The following ATP6V1B2 variants were observed in gnomAD, a reference collection of about 807,000 sequenced individuals.
ATP6V1B2 encodes ATPase H+ transporting V1 subunit B2.
In ATP6V1B2, 23 loss-of-function variants were observed where a neutral mutation model predicts 66.7. The ratio of observed to expected loss-of-function variants is 0.34; its 90% CI spans 0.25 to 0.49. ATP6V1B2 has a LOEUF of 0.49. ATP6V1B2 is among the 20% of genes least tolerant of loss of function. The pLI is 0.99. For synonymous variants in ATP6V1B2, 278 were observed against 236.7 expected, an observed-to-expected ratio of 1.17 and a Z score of -1.60; for missense variants, 478 against 650.8, an observed-to-expected ratio of 0.73 and a Z score of 2.89.
intron 12 of ATP6V1B2, 116 bp downstream of exon 12, chr8:20,217,440 T>C: frequency 1.1e-6 from 1 of 917,116 alleles, no homozygotes. Flanking sequence ...GGAATTTTAG[T>C]GTAGGCTTGA....
intron 2 of ATP6V1B2, among the ~76,000 whole-genome samples, chr8:20,206,863 T>C (rs933622181): frequency 1.3e-5 from 2 of 152,192 alleles, no homozygotes; most frequent in Non-Finnish European, 2.9e-5. Flanking sequence ...TATCCATCTT[T>C]CTGCTAAAAA....
intron 1 of ATP6V1B2, among the ~76,000 whole-genome samples, chr8:20,200,834 G>A (rs1039975549): frequency 2.0e-5 from 3 of 152,192 alleles, no homozygotes; most frequent in Non-Finnish European, 4.4e-5. Context: ...GGTGCTCACT[G>A]CTCATCATGC....
At chr8:20,204,139 G>T in intron 1 of ATP6V1B2, 1 of 396,016 alleles carries the variant, frequency 2.5e-6, no homozygotes, top group Non-Finnish European at 4.9e-6. Context: ...GCAGGCCATA[G>T]TTAGAGCCCT....
intron 2 of ATP6V1B2, among the ~76,000 whole-genome samples, chr8:20,206,162 A>T (rs1337708922): frequency 2.6e-5 from 4 of 152,230 alleles, no homozygotes; most frequent in Non-Finnish European, 5.9e-5. Flanking sequence ...GAAAATAACT[A>T]TTCCCTCTCT....
chr8:20,201,354 T>C (rs934182957), intron 1 of ATP6V1B2, among the ~76,000 whole-genome samples: 2 of 152,222 alleles, frequency 1.3e-5, no homozygotes, highest in Non-Finnish European at 2.9e-5. Flanking sequence ...TTGACAGCCA[T>C]AGTTTAAACT....
At chr8:20,213,353 T>C (rs900047514) in intron 9 of ATP6V1B2, 2 of 185,658 alleles carry the variant, frequency 1.1e-5, no homozygotes, top group Admixed American at 1.2e-4. Flanking sequence ...AGGAAAAATA[T>C]TAAGATTCTA....
Position 20,220,527 on chromosome 8 carries a change from G to T in ATP6V1B2, c.*125G>T. ...ATGTTACCCTGTAATTAAAAACAAAGAATAGGTAACATATTGTGCCAGTGT... is the reference window on the plus strand; with the variant it reads ...ATGTTACCCTGTAATTAAAAACAAATAATAGGTAACATATTGTGCCAGTGT... On this transcript the variant is annotated 3_prime_UTR_variant, in exon 14 of 14. Transcript: ENST00000276390. 1.5e-6 allele frequency: 2 copies of T among 1,322,812 alleles called. No homozygotes were observed. The allele number at this position is 1,322,812 out of a possible 1,614,324, so 81.9% of individuals were successfully genotyped here. A position where few individuals can be genotyped will look rare whatever the true frequency, so the allele number is the denominator to read the frequency against.
chr8:20,201,152 A>T (rs1420205037), intron 1 of ATP6V1B2, among the ~76,000 whole-genome samples: 3 of 152,234 alleles, frequency 2.0e-5, no homozygotes, highest in Non-Finnish European at 4.4e-5. Context: ...TTTTGGTTGT[A>T]AAATATGTTA....
chr8:20,220,387 C>T lies in ATP6V1B2; in HGVS notation c.1521C>T (p.Asp507=). Residue 507 remains aspartate, a synonymous_variant, in exon 14 of 14, where the codon GAC becomes GAT. Transcript: ENST00000276390. ...CCCTCAGCGAATTTTACCCTCGAGA[C>T]TCTGCAAAGCATTAGCTGCTGCTTC... The part of the protein sequence containing the change: ...QSTLSEFYPR[D]SAKH 1.3e-6 allele frequency: 2 copies of T among 1,578,196 alleles called. No individual in the cohort carries two copies. The highest frequency in any genetic ancestry group is 1.7e-6 in the Non-Finnish European group (2 of 1,167,742).
chr8:20,213,162 G>T, intron 9 of ATP6V1B2: 1 of 408,216 alleles, frequency 2.4e-6, no homozygotes, highest in Non-Finnish European at 4.4e-6. Context: ...ATTGTAAAAG[G>T]GAGTAAATAA....
At chr8:20,217,783 A>G (rs1349856681) in intron 12 of ATP6V1B2, among the ~76,000 whole-genome samples, 3 of 152,216 alleles carry the variant, frequency 2.0e-5, no homozygotes, top group Admixed American at 6.5e-5. Context: ...CTATGGCCAT[A>G]AAGTAGAAAT....
At chr8:20,218,050 A>G (rs149474665) in intron 12 of ATP6V1B2, 103 bp from the exon 13 acceptor site, 118 of 1,406,008 alleles carry the variant, frequency 8.4e-5, no homozygotes, top group Middle Eastern at 1.9e-4. Context: ...AATTCCTTCT[A>G]TGGGCTCTTG....
At chr8:20,209,358 A>C in intron 2 of ATP6V1B2, 75 bp from the exon 3 acceptor site, 1 of 1,405,844 alleles carries the variant, frequency 7.1e-7, no homozygotes, top group Non-Finnish European at 1.0e-6. Flanking sequence ...ACAACATGGG[A>C]GAGACAGAGC....
chr8:20,209,124 A>G (rs1291687948), intron 2 of ATP6V1B2, among the ~76,000 whole-genome samples: 2 of 152,194 alleles, frequency 1.3e-5, no homozygotes, highest in African/African-American at 4.8e-5. Context: ...GTTTATCTGT[A>G]CTTTTCTGTA....
chr8:20,198,687 G>C (rs184382896), intron 1 of ATP6V1B2, among the ~76,000 whole-genome samples: 69 of 152,320 alleles, frequency 4.5e-4, no homozygotes, highest in Admixed American at 3.3e-3. Context: ...CAGATGAAGG[G>C]TGTTAGTCTG....
rs17092159 is a variant in ATP6V1B2, at chr8:20,211,331, C to T, written c.603+15C>T. 0.038 allele frequency: 60,390 copies of T among 1,603,940 alleles called. 1,418 individuals carry two copies. The highest frequency in any genetic ancestry group is 0.1 in the East Asian group (4,602 of 44,700). The stretch of plus-strand genomic sequence containing the variant: ...CACACAATGAGGTGAGGACTGGGAT[C>T]GGTTTGCTATGAAGTTTAGCAGACA... On this transcript the variant is annotated intron_variant, in intron 6 of 13. Coordinates refer to ENST00000276390, the MANE Select transcript of ATP6V1B2 (RefSeq NM_001693.4).
At chr8:20,217,022 G>A (rs375747456) in intron 11 of ATP6V1B2, 198 bp from the exon 12 acceptor site, 3 of 549,354 alleles carry the variant, frequency 5.5e-6, no homozygotes, top group Non-Finnish European at 9.8e-6. Flanking sequence ...TTTGATTCTC[G>A]AAAGAAATGC....
rs764106165 is a variant in ATP6V1B2, at chr8:20,197,450, C to A, written c.44C>A (p.Pro15His). 1.3e-6 allele frequency: 2 copies of A among 1,541,098 alleles called. No homozygotes were observed. Among genetic ancestry groups the A allele is most frequent in the Non-Finnish European group, 1.7e-6 (2 of 1,144,570 alleles). The change falls in exon 1 of 14, where the codon CCC becomes CAC. Residue 15 changes from proline to histidine, a missense_variant. Around this residue, in one of 2 missense-constraint regions of ATP6V1B2, gnomAD observed 152 missense variants for 105.2 expected, o/e 1.44. Transcript: ENST00000276390. Reference sequence around the variant, plus strand: ...CGGGGGATTGTCAACGGGGCCGCACCCGAGCTACCCGTGCCCACCGGTGGG... The same window carrying A: ...CGGGGGATTGTCAACGGGGCCGCACACGAGCTACCCGTGCCCACCGGTGGG... ...AMRGIVNGAAPELPVPTGGPA... is the reference protein window; with the variant it reads ...AMRGIVNGAAHELPVPTGGPA...
rs769699538 is a variant in ATP6V1B2 at position 20,216,480 on chromosome 8, G to A, written c.1146G>A (p.Gln382=). The change falls in exon 11 of 14, where the codon CAG becomes CAA. Residue 382 remains glutamine (Q), a synonymous_variant. Coordinates refer to ENST00000276390, the MANE Select transcript of ATP6V1B2 (RefSeq NM_001693.4). ...AGGGGCAGATCTATGTGGACAGACA[G>A]CTGCACAACAGACAGGTACTGGACG... ...ITEGQIYVDR[Q]LHNRQIYPPI... 3 of 1,613,214 alleles carry A rather than the reference G, an allele frequency of 1.9e-6. No homozygotes were observed. Among genetic ancestry groups the A allele is most frequent in the Non-Finnish European group, 1.7e-6 (2 of 1,179,466 alleles).
Sources: gnomAD v4.1 joint callset for allele counts (sites outside exome capture counted in the v4.1 genomes callset) on GRCh38, gnomAD v4.1.1 for gene constraint, gnomAD v4.1.1 regional missense constraint, MANE v1.5 for transcripts, NCBI Gene and HGNC (gene_info 2026-07-23, HGNC 2026-07-21) for gene names.